DNAI4: variants seen among roughly 807,000 people sequenced by gnomAD.
DNAI4 encodes the protein dynein axonemal intermediate chain 4, also known as WD repeat domain 78.
A neutral mutation model predicts 105.8 loss-of-function variants in DNAI4; 85 were observed. That is an observed-to-expected ratio of 0.80 (90% CI 0.67 to 0.96). DNAI4 has a LOEUF of 0.96. Among genes scored for constraint, DNAI4 ranks in the 40% least tolerant of loss-of-function variants. DNAI4 has a pLI of 0.00. For missense variants in DNAI4, 1,014 were observed against 1,005.6 expected (o/e 1.01, Z -0.11); for synonymous variants, 352 against 331.5 (o/e 1.06, Z -0.67).
At chr1:66,881,833 A>G (rs1436251521) in intron 4 of DNAI4, among the ~76,000 whole-genome samples, 1 of 152,200 alleles carries the variant, frequency 6.6e-6, no homozygotes, top group African/African-American at 2.4e-5. Flanking sequence ...TCTCCACCCA[A>G]ATCTCATCTT....
At chr1:66,876,641 C>T (rs918819632) in intron 4 of DNAI4, among the ~76,000 whole-genome samples, 3 of 152,086 alleles carry the variant, frequency 2.0e-5, no homozygotes, top group African/African-American at 7.2e-5. Context: ...TGTTCAGAAA[C>T]TACCCCCAAA....
chr1:66,908,863 AT>A (rs1649449361), intron 1 of DNAI4, among the ~76,000 whole-genome samples: 1 of 151,966 alleles, frequency 6.6e-6, no homozygotes. Flanking sequence ...CTCCTCTCAC[AT>A]TTTCACTCTC....
intron 11 of DNAI4, 147 bp downstream of exon 11, chr1:66,835,479 G>C: frequency 1.2e-6 from 1 of 835,602 alleles, no homozygotes; most frequent in Non-Finnish European, 1.8e-6. Context: ...CAGCTGGAGA[G>C]ACAATATGAG....
At chr1:66,885,447 T>C (rs1647172139) in intron 4 of DNAI4, among the ~76,000 whole-genome samples, 2 of 152,250 alleles carry the variant, frequency 1.3e-5, no homozygotes, top group African/African-American at 4.8e-5. Flanking sequence ...GGATAATTTT[T>C]CTGGATATAG....
In DNAI4 at chr1:66,874,701, C is replaced by T. The variant is rs113856094; in HGVS notation, c.800+80G>A. The T allele has an allele frequency of 1.7e-3, 2,522 of 1,465,458 alleles. 32 individuals carry two copies. The African/African-American group carries it at 0.03, about 17-fold the overall frequency. 90.8% of individuals were successfully genotyped at this position (1,465,458 alleles called of 1,614,324 possible). On this transcript the variant is annotated intron_variant, in intron 5 of 16. Transcript: ENST00000371026. Reference sequence around the variant, plus strand: ...TGTATACCCCAGAACCCCCAAGGACCCTTCACAGAAACAAGGATAAGAACC... The same window carrying T: ...TGTATACCCCAGAACCCCCAAGGACTCTTCACAGAAACAAGGATAAGAACC...
chr1:66,862,103 C>T, intron 7 of DNAI4, 44 bp downstream of exon 7: 2 of 1,503,908 alleles, frequency 1.3e-6, no homozygotes, highest in East Asian at 2.4e-5. Flanking sequence ...TTAAAAATGC[C>T]ATGTTAAAGT....
intron 13 of DNAI4, among the ~76,000 whole-genome samples, chr1:66,830,074 A>G (rs930173082): frequency 4.6e-5 from 7 of 152,200 alleles, no homozygotes; most frequent in African/African-American, 7.2e-5. Context: ...ATACTTAGGG[A>G]AAAATTACAG....
intron 4 of DNAI4, among the ~76,000 whole-genome samples, chr1:66,882,942 A>T (rs776287708): frequency 1.3e-5 from 2 of 151,092 alleles, no homozygotes; most frequent in East Asian, 1.9e-4. Context: ...TCATTTATTT[A>T]TTTTTTTTTA....
At chr1:66,904,956 T>C in intron 2 of DNAI4, 1 of 396,190 alleles carries the variant, frequency 2.5e-6, no homozygotes, top group Non-Finnish European at 4.4e-6. Flanking sequence ...CATAAGCAAA[T>C]AGTTCTTAAG....
intron 4 of DNAI4, among the ~76,000 whole-genome samples, chr1:66,880,259 G>T (rs931105981): frequency 1.3e-5 from 2 of 152,182 alleles, no homozygotes; most frequent in Non-Finnish European, 2.9e-5. Context: ...AGTAGAATGG[G>T]GTGCTGCTGT....
chr1:66,848,045 G>A (rs1028598237), intron 7 of DNAI4: 5 of 367,822 alleles, frequency 1.4e-5, no homozygotes, highest in African/African-American at 1.1e-4. Context: ...GTTTTCTCTT[G>A]CTGCTGTAAC....
At chr1:66,894,792 TTTGC>T (rs2100786671) in intron 2 of DNAI4, among the ~76,000 whole-genome samples, 1 of 152,322 alleles carries the variant, frequency 6.6e-6, no homozygotes, top group East Asian at 1.9e-4. Flanking sequence ...GACTCTCTAA[TTTGC>T]TAATATTATA....
intron 7 of DNAI4, among the ~76,000 whole-genome samples, chr1:66,856,634 C>T: frequency 6.6e-6 from 1 of 151,876 alleles, no homozygotes; most frequent in African/African-American, 2.4e-5. Context: ...AAATCATATA[C>T]AGTCTCAGAA....
At chr1:66,840,153 A>T (rs966788088) in intron 9 of DNAI4, among the ~76,000 whole-genome samples, 4 of 152,234 alleles carry the variant, frequency 2.6e-5, no homozygotes, top group Non-Finnish European at 5.9e-5. Flanking sequence ...TAAATATACC[A>T]ATCGTATAGT....
chr1:66,848,688 G>GTATA (rs984086435), intron 7 of DNAI4, among the ~76,000 whole-genome samples: 1 of 151,758 alleles, frequency 6.6e-6, no homozygotes, highest in African/African-American at 2.4e-5. Flanking sequence ...GAAGGAATGG[G>GTATA]TATATATATA....
intron 1 of DNAI4, among the ~76,000 whole-genome samples, chr1:66,924,154 A>G (rs1650893724): frequency 6.6e-6 from 1 of 152,210 alleles, no homozygotes; most frequent in African/African-American, 2.4e-5. Flanking sequence ...TCACACAGCA[A>G]GCACAGCAAT....
At chr1:66,837,383 A>AC (rs1646049758) in intron 10 of DNAI4, among the ~76,000 whole-genome samples, 1 of 151,742 alleles carries the variant, frequency 6.6e-6, no homozygotes, top group African/African-American at 2.4e-5. Flanking sequence ...AAAAAAAAAA[A>AC]ACATAATTTT....
At chr1:66,819,731 A>C (rs1343543879) in intron 16 of DNAI4, among the ~76,000 whole-genome samples, 1 of 152,132 alleles carries the variant, frequency 6.6e-6, no homozygotes, top group African/African-American at 2.4e-5. Flanking sequence ...GAAAAGAATC[A>C]ACATGTCAAT....
At chr1:66,849,911 A>G (rs1281513027) in intron 7 of DNAI4, among the ~76,000 whole-genome samples, 1 of 152,138 alleles carries the variant, frequency 6.6e-6, no homozygotes, top group Non-Finnish European at 1.5e-5. Flanking sequence ...AGACTCTCAA[A>G]AACCTCTGCA....
Sources: allele counts gnomAD v4.1 joint callset (sites outside exome capture counted in the v4.1 genomes callset), GRCh38; gene constraint gnomAD v4.1.1; transcripts MANE v1.5; gene names NCBI Gene and HGNC (gene_info 2026-07-23, HGNC 2026-07-21).